Variants in ABLIM1 observed in about 807,000 individuals in gnomAD.
ABLIM1 encodes the protein actin binding LIM protein 1.
Under a neutral mutation model 107.0 loss-of-function variants are expected in ABLIM1, and 40 were observed. The ratio of observed to expected loss-of-function variants is 0.37; its 90% CI spans 0.29 to 0.49. The LOEUF is 0.49. Among genes scored for constraint, ABLIM1 ranks in the 20% least tolerant of loss-of-function variants. The probability of loss-of-function intolerance (pLI) is 0.97; values close to 1 mark genes in which losing one functional copy is unlikely to be tolerated. For missense variants in ABLIM1, 857 were observed against 1,008.5 expected, an observed-to-expected ratio of 0.85 and a Z score of 2.04; for synonymous variants, 357 against 357.3, an observed-to-expected ratio of 1.00 and a Z score of 0.01.
intron 14 of ABLIM1, among the ~76,000 whole-genome samples, chr10:114,449,003 G>A (rs1449332598): frequency 1.3e-5 from 2 of 152,170 alleles, no homozygotes; most frequent in Non-Finnish European, 2.9e-5. Context: ...CAGCTTGCAG[G>A]AATTTGGCAT....
At chr10:114,618,913 G>A (rs1459184301) in intron 1 of ABLIM1, among the ~76,000 whole-genome samples, 1 of 152,090 alleles carries the variant, frequency 6.6e-6, no homozygotes. Context: ...TTTCCCTGGG[G>A]GTGTCTCCAT....
intron 1 of ABLIM1, among the ~76,000 whole-genome samples, chr10:114,648,717 C>G (rs1202066862): frequency 1.3e-5 from 2 of 152,108 alleles, no homozygotes; most frequent in Admixed American, 1.3e-4. Flanking sequence ...GTATGAAGTA[C>G]CTTTACTTAC....
intron 19 of ABLIM1, chr10:114,440,764 AGGTATC>A: frequency 3.4e-6 from 2 of 584,826 alleles, no homozygotes; most frequent in Non-Finnish European, 6.4e-6. Context: ...CCTGGCCTCT[AGGTATC>A]TGATAGAGTG....
chr10:114,468,145 C>T lies in ABLIM1; in HGVS notation c.1311+36G>A, dbSNP rs781406132. On this transcript the variant is annotated intron_variant, in intron 11 of 22. Transcript: ENST00000533213. Reference sequence around the variant, plus strand: ...GGAAGGGCCAAGCAATTCTCAAATTCCACCCATTAAAATGATAAAAAGAAA... The same window carrying T: ...GGAAGGGCCAAGCAATTCTCAAATTTCACCCATTAAAATGATAAAAAGAAA... 4 of 1,592,004 alleles carry T rather than the reference C, an allele frequency of 2.5e-6. No individual in the cohort carries two copies. In the East Asian group the frequency reaches 8.9e-5, roughly 36 times the overall value.
At chr10:114,796,697 G>C in the ABLIM1 span, among the ~76,000 whole-genome samples, 1 of 152,132 alleles carries the variant, frequency 6.6e-6, no homozygotes, top group South Asian at 2.1e-4. Flanking sequence ...TGAACTACAT[G>C]ATCTTTAAGG....
At chr10:114,715,720 A>G (rs552682337) in intron 1 of ABLIM1, among the ~76,000 whole-genome samples, 24 of 152,298 alleles carry the variant, frequency 1.6e-4, no homozygotes, top group African/African-American at 5.8e-4. Context: ...AGAAACATAC[A>G]GCAATATACT....
At chr10:114,746,325 CA>C (rs1396521967) in intron 1 of ABLIM1, among the ~76,000 whole-genome samples, 1 of 152,180 alleles carries the variant, frequency 6.6e-6, no homozygotes, top group Non-Finnish European at 1.5e-5. Context: ...CACATATAAG[CA>C]GGAACGTGTG....
In ABLIM1 at chr10:114,731,946, AGTG is replaced by A. The variant is rs376848113; in HGVS notation, c.-213+36112_-213+36114del. Among the ~76,000 whole-genome samples the A allele has an allele frequency of 2.6e-4, 39 of 152,220 alleles. No individual in the cohort carries two copies. The East Asian group carries it at 7.6e-3, about 29-fold the overall frequency. Reference sequence around the variant, plus strand: ...CAGTCCTCTTGGTTATACAGCTTGGAGTGGAATTGCTAGGTCACATAGTAACTC... The same window carrying A: ...CAGTCCTCTTGGTTATACAGCTTGGAGAATTGCTAGGTCACATAGTAACTC... On this transcript the variant is annotated intron_variant, in intron 1 of 15. Coordinates refer to the ABLIM1 transcript ENST00000651092.
the ABLIM1 span, among the ~76,000 whole-genome samples, chr10:114,799,046 C>T: frequency 6.6e-6 from 1 of 152,184 alleles, no homozygotes; most frequent in Admixed American, 6.5e-5. Context: ...GATCTGCCCA[C>T]CTCAGCCTCC....
At chr10:114,644,492 C>T (rs2078925996) in intron 1 of ABLIM1, among the ~76,000 whole-genome samples, 1 of 151,332 alleles carries the variant, frequency 6.6e-6, no homozygotes, top group Non-Finnish European at 1.5e-5. Context: ...GGAATCATTG[C>T]CTAGGTGTAA....
At chr10:114,652,735 G>A (rs1477176506) in intron 1 of ABLIM1, among the ~76,000 whole-genome samples, 3 of 152,158 alleles carry the variant, frequency 2.0e-5, no homozygotes, top group Non-Finnish European at 4.4e-5. Flanking sequence ...TTGTTTGTTT[G>A]TCAAGAAGGT....
intron 3 of ABLIM1, among the ~76,000 whole-genome samples, chr10:114,573,022 G>A (rs964944341): frequency 6.6e-5 from 10 of 152,188 alleles, no homozygotes; most frequent in Admixed American, 1.3e-4. Flanking sequence ...AGTCCCACAC[G>A]AATCCTCTAT....
intron 2 of ABLIM1, among the ~76,000 whole-genome samples, chr10:114,591,456 A>T (rs888863662): frequency 1.3e-5 from 2 of 152,214 alleles, no homozygotes; most frequent in Non-Finnish European, 2.9e-5. Flanking sequence ...TAAATGGTAT[A>T]ATTAAATTTG....
chr10:114,784,768 G>A, the ABLIM1 span, among the ~76,000 whole-genome samples: 3 of 151,706 alleles, frequency 2.0e-5, no homozygotes, highest in African/African-American at 7.3e-5. Context: ...AGATTAAGAG[G>A]TTTACTGCAA....
chr10:114,796,716 C>G, the ABLIM1 span, among the ~76,000 whole-genome samples: 1 of 152,036 alleles, frequency 6.6e-6, no homozygotes, highest in Non-Finnish European at 1.5e-5. Flanking sequence ...GGTTGGTAAT[C>G]TCCTCCCTCC....
intron 1 of ABLIM1, among the ~76,000 whole-genome samples, chr10:114,627,192 T>A (rs1210912716): frequency 1.3e-5 from 2 of 152,172 alleles, no homozygotes; most frequent in African/African-American, 4.8e-5. Flanking sequence ...CAACCTGTTG[T>A]CAGGTCCCAT....
At chr10:114,719,554 C>CT (rs1475542347) in intron 1 of ABLIM1, among the ~76,000 whole-genome samples, 4 of 152,324 alleles carry the variant, frequency 2.6e-5, no homozygotes, top group Admixed American at 2.0e-4. Flanking sequence ...CTTTGGATGG[C>CT]TGGTGTCAGG....
chr10:114,468,944 T>C (rs574944636), intron 10 of ABLIM1, among the ~76,000 whole-genome samples: 10 of 149,640 alleles, frequency 6.7e-5, no homozygotes, highest in Admixed American at 3.4e-4. Context: ...CCCAGCTACT[T>C]GGGAGGCTGA....
intron 10 of ABLIM1, among the ~76,000 whole-genome samples, chr10:114,468,737 C>A (rs921360842): frequency 3.3e-5 from 5 of 151,954 alleles, no homozygotes; most frequent in Non-Finnish European, 7.4e-5. Context: ...CGGGGAGATT[C>A]TGGTGCACAT....
Sources: gnomAD v4.1 joint callset for allele counts (sites outside exome capture counted in the v4.1 genomes callset) on GRCh38, gnomAD v4.1.1 for gene constraint, MANE v1.5 for transcripts, NCBI Gene and HGNC (gene_info 2026-07-23, HGNC 2026-07-21) for gene names.